Variants in AUTS2 observed in about 807,000 individuals in gnomAD.
The protein encoded by AUTS2 is autism susceptibility gene 2 protein.
Under a neutral mutation model 112.4 loss-of-function variants are expected in AUTS2, and 17 were observed. That is an observed-to-expected ratio of 0.15 (90% CI 0.10 to 0.23). The LOEUF is 0.23. Ranked by LOEUF, AUTS2 falls within the 10% of genes least tolerant of loss-of-function variation. The probability of loss-of-function intolerance (pLI) is 1.00; values close to 1 mark genes in which losing one functional copy is unlikely to be tolerated. For missense variants in AUTS2, 1,510 were observed against 1,701.6 expected (o/e 0.89, Z 1.98); for synonymous variants, 751 against 702.7 (o/e 1.07, Z -1.09).
At chr7:69,660,874 C>G (rs1051873815) in intron 1 of AUTS2, among the ~76,000 whole-genome samples, 3 of 152,166 alleles carry the variant, frequency 2.0e-5, no homozygotes, top group Admixed American at 2.0e-4. Flanking sequence ...GCGGAGCTTG[C>G]GGTGAGCTGA....
At chr7:70,522,960 G>C (rs1333636730) in intron 5 of AUTS2, among the ~76,000 whole-genome samples, 1 of 152,156 alleles carries the variant, frequency 6.6e-6, no homozygotes, top group African/African-American at 2.4e-5. Context: ...TGGCAGCCAA[G>C]GTCAACTTCA....
At chr7:70,428,928 C>T (rs542329923) in intron 4 of AUTS2, among the ~76,000 whole-genome samples, 11 of 152,112 alleles carry the variant, frequency 7.2e-5, no homozygotes, top group East Asian at 1.9e-4. Context: ...ACACAGATAC[C>T]GAGATTCCCA....
In AUTS2 at chr7:69,916,341, A is replaced by G. The variant is rs191189111; in HGVS notation, c.522+16843A>G. Among the ~76,000 whole-genome samples, 347 of 152,324 alleles carry G rather than the reference A, an allele frequency of 2.3e-3. 2 individuals are homozygous for G. Among genetic ancestry groups the G allele is most frequent in the Non-Finnish European group, 3.5e-3 (240 of 68,036 alleles). Reference sequence around the variant, plus strand: ...TTCATGTACTGCTATGGACAGACATAATTTTGGGTGCTTATATTAGTGAAC... The same window carrying G: ...TTCATGTACTGCTATGGACAGACATGATTTTGGGTGCTTATATTAGTGAAC... On this transcript the variant is annotated intron_variant, in intron 2 of 18. Coordinates refer to ENST00000342771, the MANE Select transcript of AUTS2 (RefSeq NM_015570.4).
intron 6 of AUTS2, among the ~76,000 whole-genome samples, chr7:70,760,270 G>A (rs1038451514): frequency 2.0e-5 from 3 of 152,220 alleles, no homozygotes; most frequent in African/African-American, 4.8e-5. Flanking sequence ...CTCCCAAAGT[G>A]CTGGGATTAC....
intron 4 of AUTS2, among the ~76,000 whole-genome samples, chr7:70,248,792 G>A (rs994986531): frequency 4.6e-5 from 7 of 152,120 alleles, no homozygotes; most frequent in African/African-American, 1.7e-4. Flanking sequence ...CAGGAGGAAA[G>A]GAAAGATAAT....
At chr7:70,464,991 G>A (rs772795363) in intron 5 of AUTS2, among the ~76,000 whole-genome samples, 2 of 152,010 alleles carry the variant, frequency 1.3e-5, no homozygotes, top group Non-Finnish European at 2.9e-5. Flanking sequence ...CTCATTTATG[G>A]CATCCTTAGC....
chr7:70,159,478 G>T (rs186363872), intron 4 of AUTS2, among the ~76,000 whole-genome samples: 1 of 152,198 alleles, frequency 6.6e-6, no homozygotes, highest in Admixed American at 6.5e-5. Flanking sequence ...AACTCTTTAG[G>T]TCTGTGTTTT....
intron 2 of AUTS2, among the ~76,000 whole-genome samples, chr7:69,953,691 C>T (rs900783996): frequency 2.0e-5 from 3 of 152,144 alleles, no homozygotes; most frequent in East Asian, 1.9e-4. Context: ...GTACATAAGC[C>T]GTTAGAAATT....
intron 1 of AUTS2, among the ~76,000 whole-genome samples, chr7:69,862,485 C>G (rs1365867033): frequency 6.6e-6 from 1 of 152,124 alleles, no homozygotes; most frequent in Non-Finnish European, 1.5e-5. Flanking sequence ...CCCAGTCAGA[C>G]ACAAAGGTAA....
At chr7:69,755,989 C>T (rs376273011) in intron 1 of AUTS2, among the ~76,000 whole-genome samples, 3 of 152,180 alleles carry the variant, frequency 2.0e-5, no homozygotes, top group Admixed American at 6.5e-5. Flanking sequence ...CAAACAGGGA[C>T]GATACTTTTC....
intron 2 of AUTS2, among the ~76,000 whole-genome samples, chr7:69,943,270 G>T (rs1378646943): frequency 1.3e-5 from 2 of 152,128 alleles, no homozygotes; most frequent in East Asian, 3.9e-4. Context: ...TATAAGTAAA[G>T]TTCTTAGAAC....
intron 5 of AUTS2, among the ~76,000 whole-genome samples, chr7:70,511,114 G>T (rs1335522008): frequency 1.3e-5 from 2 of 152,112 alleles, no homozygotes; most frequent in East Asian, 3.8e-4. Flanking sequence ...CTCCCAAAGT[G>T]CTGGGATTAC....
intron 1 of AUTS2, among the ~76,000 whole-genome samples, chr7:69,852,679 C>T (rs892143027): frequency 2.6e-5 from 4 of 152,158 alleles, no homozygotes; most frequent in Admixed American, 1.3e-4. Context: ...TCTTGAACTC[C>T]TGACCTCAGA....
chr7:69,831,154 C>T (rs778998051), intron 1 of AUTS2, among the ~76,000 whole-genome samples: 4 of 152,118 alleles, frequency 2.6e-5, no homozygotes, highest in Non-Finnish European at 5.9e-5. Flanking sequence ...GTTTTTCCTC[C>T]TTTTGGAATT....
At chr7:70,755,645 G>A (rs531364907) in intron 6 of AUTS2, among the ~76,000 whole-genome samples, 31 of 152,070 alleles carry the variant, frequency 2.0e-4, no homozygotes, top group African/African-American at 7.0e-4. Context: ...ACTCCACCCT[G>A]GGCGACAGAG....
At chr7:70,601,615 G>T (rs918550932) in intron 5 of AUTS2, among the ~76,000 whole-genome samples, 1 of 152,014 alleles carries the variant, frequency 6.6e-6, no homozygotes, top group Non-Finnish European at 1.5e-5. Flanking sequence ...ATAGAGTGGT[G>T]TGTGTCAGGG....
intron 1 of AUTS2, among the ~76,000 whole-genome samples, chr7:69,606,286 T>C (rs1238226048): frequency 6.6e-6 from 1 of 152,206 alleles, no homozygotes; most frequent in East Asian, 1.9e-4. Flanking sequence ...TTTTAAAGAA[T>C]GTTAGGATTA....
At chr7:69,920,300 AT>A (rs956629320) in intron 2 of AUTS2, among the ~76,000 whole-genome samples, 1 of 147,772 alleles carries the variant, frequency 6.8e-6, no homozygotes. Flanking sequence ...TCTTTCTTTT[AT>A]TTTTTTTTAG....
intron 1 of AUTS2, among the ~76,000 whole-genome samples, chr7:69,826,505 A>G (rs886903491): frequency 6.6e-6 from 1 of 152,144 alleles, no homozygotes; most frequent in Non-Finnish European, 1.5e-5. Flanking sequence ...GTCATAGTTG[A>G]ATCCTTTATT....
Sources: gnomAD v4.1 joint callset for allele counts (sites outside exome capture counted in the v4.1 genomes callset) on GRCh38, gnomAD v4.1.1 for gene constraint, MANE v1.5 for transcripts, NCBI Gene and HGNC (gene_info 2026-07-23, HGNC 2026-07-21) for gene names.